DLGAP1: variants seen among roughly 807,000 people sequenced by gnomAD.
The protein encoded by DLGAP1 is disks large-associated protein 1.
Under a neutral mutation model 90.8 loss-of-function variants are expected in DLGAP1, and 11 were observed. That is an observed-to-expected ratio of 0.12 (90% confidence interval 0.08 to 0.20). DLGAP1 has a LOEUF of 0.20. Among genes scored for constraint, DLGAP1 ranks in the 10% least tolerant of loss-of-function variants. The pLI, the probability that DLGAP1 is intolerant of heterozygous loss-of-function variation, is 1.00. For missense variants in DLGAP1, 1,050 were observed against 1,333.8 expected (o/e 0.79, Z 3.31); for synonymous variants, 558 against 540.7 (o/e 1.03, Z -0.44).
chr18:3,743,528 G>A (rs1395005278), intron 5 of DLGAP1, among the ~76,000 whole-genome samples: 2 of 151,524 alleles, frequency 1.3e-5, no homozygotes, highest in Non-Finnish European at 2.9e-5. Flanking sequence ...CTATTTTTTT[G>A]TATTTTTAGT....
At chr18:4,182,345 T>A (rs1245015772) in intron 1 of DLGAP1, among the ~76,000 whole-genome samples, 1 of 152,084 alleles carries the variant, frequency 6.6e-6, no homozygotes, top group African/African-American at 2.4e-5. Context: ...GAACAAAGGT[T>A]AACCACTGAA....
intron 3 of DLGAP1, among the ~76,000 whole-genome samples, chr18:3,903,782 C>T (rs968431214): frequency 6.6e-6 from 1 of 152,202 alleles, no homozygotes; most frequent in African/African-American, 2.4e-5. Context: ...GATCCTCCTA[C>T]AATAGCTGAC....
intron 5 of DLGAP1, among the ~76,000 whole-genome samples, chr18:3,794,096 C>CT (rs2065871338): frequency 6.6e-6 from 1 of 152,180 alleles, no homozygotes; most frequent in East Asian, 1.9e-4. Flanking sequence ...ACCACATATA[C>CT]TTAAATGCTT....
intron 4 of DLGAP1, chr18:3,874,707 G>A (rs375283433): frequency 1.3e-6 from 2 of 1,534,038 alleles, no homozygotes; most frequent in South Asian, 2.4e-5. Context: ...TCAAATCCAT[G>A]TTCCTGCTCC....
chr18:3,698,707 G>T (rs2061177597), intron 7 of DLGAP1, among the ~76,000 whole-genome samples: 1 of 152,154 alleles, frequency 6.6e-6, no homozygotes, highest in Non-Finnish European at 1.5e-5. Context: ...GGTTAGGGAA[G>T]TTCTCCTGGG....
At chr18:4,236,046 T>G (rs1331314425) in intron 1 of DLGAP1, among the ~76,000 whole-genome samples, 1 of 152,122 alleles carries the variant, frequency 6.6e-6, no homozygotes, top group Non-Finnish European at 1.5e-5. Flanking sequence ...TTCTCTATCT[T>G]CATGTAGCAG....
chr18:3,772,354 T>TTCTTTCTTTCTC lies in DLGAP1; in HGVS notation c.1173-29843_1173-29842insGAGAAAGAAAGA, dbSNP rs1568108751. 2.8e-4 allele frequency among the ~76,000 whole-genome samples: 18 copies of TTCTTTCTTTCTC among 64,528 alleles called. 3 individuals are homozygous for TTCTTTCTTTCTC. The highest frequency in any genetic ancestry group is 1.7e-3 in the African/African-American group (18 of 10,510). The allele number at this position is 64,528 out of a possible 152,430, so 42.3% of individuals were successfully genotyped here. A position where few individuals can be genotyped will look rare whatever the true frequency, so the allele number is the denominator to read the frequency against. ...TCCTTCTCTCTCTCTCTCTCTTTCTTTCTTTCTTTCTTTCTTTCTTTCTTT... is the reference window on the plus strand; with the variant it reads ...TCCTTCTCTCTCTCTCTCTCTTTCTTTCTTTCTTTCTCTCTTTCTTTCTTTCTTTCTTTCTTT... On this transcript the variant is annotated intron_variant, in intron 5 of 12. Transcript: ENST00000315677.
rs1163596947 is a variant in DLGAP1 at position 3,772,366 on chromosome 18, T to C, written c.1173-29854A>G. Reference sequence around the variant, plus strand: ...TCTCTCTCTTTCTTTCTTTCTTTCTTTCTTTCTTTCTTTCTTTCTTTCTTT... The same window carrying C: ...TCTCTCTCTTTCTTTCTTTCTTTCTCTCTTTCTTTCTTTCTTTCTTTCTTT... On this transcript the variant is annotated intron_variant, in intron 5 of 12. Coordinates refer to ENST00000315677, the MANE Select transcript of DLGAP1 (RefSeq NM_004746.4). 1.4e-3 allele frequency among the ~76,000 whole-genome samples: 21 copies of C among 15,538 alleles called. 1 individual carries two copies. The highest frequency in any genetic ancestry group is 3.0e-3 in the African/African-American group (18 of 6,022). The allele number at this position is 15,538 out of a possible 152,430, so 10.2% of individuals were successfully genotyped here.
chr18:4,067,191 AG>A (rs1397964910), intron 2 of DLGAP1, among the ~76,000 whole-genome samples: 4 of 152,062 alleles, frequency 2.6e-5, no homozygotes, highest in Non-Finnish European at 5.9e-5. Context: ...GGAGGTTGGG[AG>A]GAGGAAGAGG....
At chr18:4,255,164 C>T (rs146003949) in intron 1 of DLGAP1, among the ~76,000 whole-genome samples, 83 of 152,248 alleles carry the variant, frequency 5.5e-4, no homozygotes, top group African/African-American at 1.9e-3. Context: ...TGGAAAAGAG[C>T]GCACAGTCAA....
At chr18:3,899,884 C>T (rs1207389235) in intron 3 of DLGAP1, among the ~76,000 whole-genome samples, 1 of 152,218 alleles carries the variant, frequency 6.6e-6, no homozygotes, top group African/African-American at 2.4e-5. Flanking sequence ...ACATGATCAA[C>T]ATCCTGTGTC....
chr18:4,130,645 A>G (rs994697297), intron 2 of DLGAP1, among the ~76,000 whole-genome samples: 2 of 152,150 alleles, frequency 1.3e-5, no homozygotes, highest in Admixed American at 1.3e-4. Flanking sequence ...TAGAAGGGGC[A>G]GGACCACACC....
chr18:4,200,928 G>A (rs527666480), intron 1 of DLGAP1, among the ~76,000 whole-genome samples: 24 of 152,098 alleles, frequency 1.6e-4, no homozygotes, highest in African/African-American at 5.1e-4. Flanking sequence ...GTAGGCCTTC[G>A]ACAAATTATC....
At chr18:3,634,453 T>C (rs757132500) in intron 7 of DLGAP1, among the ~76,000 whole-genome samples, 1 of 152,326 alleles carries the variant, frequency 6.6e-6, no homozygotes, top group East Asian at 1.9e-4. Flanking sequence ...GGACTTTCCA[T>C]CCTGGCTTGA....
intron 1 of DLGAP1, among the ~76,000 whole-genome samples, chr18:4,233,414 ATT>A (rs1022175484): frequency 6.6e-6 from 1 of 152,062 alleles, no homozygotes; most frequent in Non-Finnish European, 1.5e-5. Context: ...ATTGTCTGAT[ATT>A]TTTCTCACTA....
At chr18:3,736,557 A>G (rs950658939) in intron 6 of DLGAP1, among the ~76,000 whole-genome samples, 1 of 152,204 alleles carries the variant, frequency 6.6e-6, no homozygotes, top group African/African-American at 2.4e-5. Context: ...TATAGCTTCT[A>G]CTAATGATCT....
Position 4,255,283 on chromosome 18 carries a change from G to A in DLGAP1, c.-266-103996C>T, listed in dbSNP as rs536371957. Among the ~76,000 whole-genome samples, 6 of 152,214 alleles carry A rather than the reference G, an allele frequency of 3.9e-5. No individual in the cohort carries two copies. In the East Asian group the frequency reaches 1.2e-3, roughly 29 times the overall value. ...TGAATATGAAAACTCATTTTCATTA[G>A]TCCTAAGTGGCAGATTTCTGAGCTC... is the stretch of plus-strand genomic sequence containing the variant. On this transcript the variant is annotated intron_variant, in intron 1 of 12. Transcript: ENST00000315677.
chr18:3,611,212 G>A (rs1267966158), intron 7 of DLGAP1, among the ~76,000 whole-genome samples: 1 of 151,876 alleles, frequency 6.6e-6, no homozygotes, highest in Admixed American at 6.6e-5. Flanking sequence ...CAAGGCTTCA[G>A]GGGGAAAATG....
chr18:4,139,629 T>C (rs557845699), intron 2 of DLGAP1, among the ~76,000 whole-genome samples: 13 of 152,118 alleles, frequency 8.5e-5, no homozygotes, highest in African/African-American at 3.1e-4. Flanking sequence ...ATCTATTAGG[T>C]CCAATTAGTC....
Sources: gnomAD v4.1 joint callset for allele counts (sites outside exome capture counted in the v4.1 genomes callset) on GRCh38, gnomAD v4.1.1 for gene constraint, MANE v1.5 for transcripts, NCBI Gene and HGNC (gene_info 2026-07-23, HGNC 2026-07-21) for gene names.